SVOP: variants seen among roughly 807,000 people sequenced by gnomAD.
The protein encoded by SVOP is SV2 related protein, also known as synaptic vesicle 2-related protein.
SVOP carries 17 observed loss-of-function variants against 69.1 expected under a neutral mutation model. The observed-to-expected ratio is 0.25, with a 90% CI of 0.17 to 0.37. The LOEUF (loss-of-function observed/expected upper bound fraction) is 0.37, where lower values mean the gene tolerates loss of function less well. Among genes scored for constraint, SVOP ranks in the 10% least tolerant of loss-of-function variants. The probability of loss-of-function intolerance (pLI) is 1.00; values close to 1 mark genes in which losing one functional copy is unlikely to be tolerated. For missense variants in SVOP, 435 were observed against 597.5 expected (o/e 0.73, Z 2.84); for synonymous variants, 238 against 238.6 (o/e 1.00, Z 0.02).
chr12:109,002,126 C>A (rs1215759685), intron 1 of SVOP, among the ~76,000 whole-genome samples: 2 of 126,950 alleles, frequency 1.6e-5, no homozygotes, highest in Non-Finnish European at 3.3e-5. Context: ...AAAAAAACAA[C>A]CCCATCAAAA....
intron 1 of SVOP, among the ~76,000 whole-genome samples, chr12:108,990,861 C>G (rs2040196621): frequency 6.6e-6 from 1 of 152,208 alleles, no homozygotes; most frequent in African/African-American, 2.4e-5. Flanking sequence ...GGCCCCGCCC[C>G]CAGAAGGCCT....
intron 5 of SVOP, among the ~76,000 whole-genome samples, chr12:108,969,162 C>A (rs957961208): frequency 6.6e-6 from 1 of 152,156 alleles, no homozygotes; most frequent in Admixed American, 6.5e-5. Context: ...GTTCTTTTAA[C>A]GGCTGCTCAG....
intron 11 of SVOP, among the ~76,000 whole-genome samples, chr12:108,933,290 T>TC (rs538269512): frequency 4.2e-4 from 64 of 152,238 alleles, no homozygotes; most frequent in African/African-American, 1.5e-3. Flanking sequence ...AGTAGGAAGA[T>TC]CTCTTGAGCC....
chr12:108,977,973 C>T lies in SVOP; in HGVS notation c.283-477G>A, dbSNP rs565632461. Among the ~76,000 whole-genome samples, 31 of 152,174 alleles carry T rather than the reference C, an allele frequency of 2.0e-4. No homozygotes were observed. The South Asian group carries it at 5.4e-3, about 26-fold the overall frequency. On this transcript the variant is annotated intron_variant, in intron 3 of 15. Coordinates refer to ENST00000610966, the MANE Select transcript of SVOP (RefSeq NM_018711.5). ...CTCAGAATCCCTAGCAATTAAACAT[C>T]GTGTACCTTTACGAGACTAGACAGA...
chr12:109,015,607 A>G (rs1325368360), intron 1 of SVOP, among the ~76,000 whole-genome samples: 1 of 150,746 alleles, frequency 6.6e-6, no homozygotes, highest in Non-Finnish European at 1.5e-5. Flanking sequence ...GAGCCAGGTG[A>G]CCAGCCTGGC....
At chr12:108,942,395 ACTTCT>A in intron 7 of SVOP, among the ~76,000 whole-genome samples, 1 of 151,926 alleles carries the variant, frequency 6.6e-6, no homozygotes, top group Non-Finnish European at 1.5e-5. Flanking sequence ...CAGAATTGCC[ACTTCT>A]CGATGGGGCT....
At chr12:108,915,584 C>A (rs77241006) in intron 15 of SVOP, among the ~76,000 whole-genome samples, 199 bp downstream of exon 15, 1 of 152,186 alleles carries the variant, frequency 6.6e-6, no homozygotes, top group Non-Finnish European at 1.5e-5. Flanking sequence ...AGCTGCATGA[C>A]CTTGAGCATG....
intron 9 of SVOP, among the ~76,000 whole-genome samples, chr12:108,938,374 C>A (rs2039868394): frequency 6.6e-6 from 1 of 152,082 alleles, no homozygotes; most frequent in Admixed American, 6.6e-5. Flanking sequence ...ATGGTGTTAC[C>A]AGCGGAGTGA....
intron 6 of SVOP, 64 bp from the exon 7 acceptor site, chr12:108,945,230 T>C: frequency 6.7e-7 from 1 of 1,486,354 alleles, no homozygotes; most frequent in Non-Finnish European, 9.1e-7. Context: ...ATGGCTACCG[T>C]TTTCTGAATT....
At chr12:108,998,182 G>A (rs1446357570) in intron 1 of SVOP, among the ~76,000 whole-genome samples, 3 of 152,162 alleles carry the variant, frequency 2.0e-5, no homozygotes, top group Non-Finnish European at 2.9e-5. Flanking sequence ...CTCAGGAGCC[G>A]ATGCGATCAA....
At chr12:108,991,722 C>T (rs2040201419) in intron 1 of SVOP, among the ~76,000 whole-genome samples, 1 of 151,360 alleles carries the variant, frequency 6.6e-6, no homozygotes, top group Admixed American at 6.6e-5. Context: ...TCCCAAAGTG[C>T]TGGGATTACA....
At chr12:108,977,525 C>G (rs1450890623) in intron 3 of SVOP, 29 bp from the exon 4 acceptor site, 16 of 1,460,982 alleles carry the variant, frequency 1.1e-5, no homozygotes, top group Non-Finnish European at 1.2e-5. Context: ...CATCATGAGG[C>G]CAGGATGCTG....
intron 7 of SVOP, 70 bp downstream of exon 7, chr12:108,945,033 G>A: frequency 2.1e-6 from 3 of 1,426,868 alleles, no homozygotes; most frequent in South Asian, 1.2e-5. Context: ...TTGACCTGTG[G>A]TTCAAGACAT....
chr12:108,972,556 A>G, intron 4 of SVOP, 80 bp from the exon 5 acceptor site: 2 of 1,387,478 alleles, frequency 1.4e-6, no homozygotes, highest in South Asian at 2.5e-5. Context: ...GGAAGTGGTG[A>G]CGTCACCCTC....
chr12:108,960,913 A>C lies in SVOP; in HGVS notation c.578+10T>G, dbSNP rs1158764613. 6.5e-7 allele frequency: 1 copy of C among 1,536,628 alleles called. No homozygotes were observed. The highest frequency in any genetic ancestry group is 1.4e-5 in the African/African-American group (1 of 72,968). ...CCTGGCTGCATAGCCAGCACTGGGT[A>C]TTTACTTACGACTGGGGAACTCCTC... On this transcript the variant is annotated intron_variant, in intron 6 of 15. Transcript: ENST00000610966.
intron 15 of SVOP, among the ~76,000 whole-genome samples, chr12:108,913,789 C>T (rs1013065856): frequency 2.0e-5 from 3 of 152,206 alleles, no homozygotes; most frequent in Admixed American, 1.3e-4. Context: ...GCTGGGACTA[C>T]AGGCATATGC....
intron 6 of SVOP, among the ~76,000 whole-genome samples, chr12:108,952,230 CTTTTTTTT>C (rs36191772): frequency 5.1e-5 from 5 of 98,360 alleles, no homozygotes; most frequent in African/African-American, 1.7e-4. Context: ...TTTCTTTTCT[CTTTTTTTT>C]TTTTTTTTTT....
rs991769785 is a variant in SVOP, at chr12:108,909,794, T to C, written c.*2741A>G. 5 of 152,134 alleles carry C rather than the reference T, an allele frequency of 3.3e-5. No homozygotes were observed. The highest frequency in any genetic ancestry group is 4.8e-5 in the African/African-American group (2 of 41,430). 9.4% of individuals were successfully genotyped at this position (152,134 alleles called of 1,614,324 possible). Reference sequence around the variant, plus strand: ...AACATGGCATTTCCATTAACGAAAATAGGAGCTTTTTGAATAGGATTGTTC... The same window carrying C: ...AACATGGCATTTCCATTAACGAAAACAGGAGCTTTTTGAATAGGATTGTTC... On this transcript the variant is annotated 3_prime_UTR_variant, in exon 16 of 16. Coordinates refer to ENST00000610966, the MANE Select transcript of SVOP (RefSeq NM_018711.5).
chr12:108,917,874 G>T (rs936957100), intron 14 of SVOP, among the ~76,000 whole-genome samples, 169 bp downstream of exon 14: 6 of 151,808 alleles, frequency 4.0e-5, no homozygotes, highest in Non-Finnish European at 8.8e-5. Flanking sequence ...TCAAACATCC[G>T]GGCTCAAGTG....
Sources: allele counts gnomAD v4.1 joint callset (sites outside exome capture counted in the v4.1 genomes callset), GRCh38; gene constraint gnomAD v4.1.1; transcripts MANE v1.5; gene names NCBI Gene and HGNC (gene_info 2026-07-23, HGNC 2026-07-21).